Variants in ZBTB5 observed in about 807,000 individuals in gnomAD.
ZBTB5 encodes the protein zinc finger and BTB domain-containing protein 5.
ZBTB5 carries 15 observed loss-of-function variants against 37.9 expected under a neutral mutation model. The observed-to-expected ratio is 0.40, with a 90% CI of 0.26 to 0.61. The LOEUF is 0.61. ZBTB5 is among the 20% of genes least tolerant of loss of function. The pLI, the probability that ZBTB5 is intolerant of heterozygous loss-of-function variation, is 0.47. For missense variants in ZBTB5, 708 were observed against 856.8 expected (o/e 0.83, Z 2.17); for synonymous variants, 315 against 312.4 (o/e 1.01, Z -0.09).
At chr9:37,455,946 A>ATT (rs57792865) in intron 1 of ZBTB5, among the ~76,000 whole-genome samples, 13 of 141,592 alleles carry the variant, frequency 9.2e-5, no homozygotes, top group East Asian at 4.1e-4. Flanking sequence ...GCAGGCTAGG[A>ATT]TTTTTTTTTT....
Position 37,438,691 on chromosome 9 carries a change from A to G in ZBTB5, c.*1827T>C, listed in dbSNP as rs1332717876. On this transcript the variant is annotated 3_prime_UTR_variant, in exon 2 of 2. Coordinates refer to ENST00000307750, the MANE Select transcript of ZBTB5 (RefSeq NM_014872.3). Reference sequence around the variant, plus strand: ...GCTAACCCACTGTGTCCCAAGGTTAATCTCACAAGACACTGGTCCCTACAT... The same window carrying G: ...GCTAACCCACTGTGTCCCAAGGTTAGTCTCACAAGACACTGGTCCCTACAT... 1 of 152,276 alleles carries G rather than the reference A, an allele frequency of 6.6e-6. No homozygotes were observed. Among genetic ancestry groups the G allele is most frequent in the Non-Finnish European group, 1.5e-5 (1 of 68,094 alleles). 9.4% of individuals were successfully genotyped at this position (152,276 alleles called of 1,614,324 possible). A position where few individuals can be genotyped will look rare whatever the true frequency, so the allele number is the denominator to read the frequency against.
chr9:37,440,575 G>A lies in ZBTB5; in HGVS notation c.1977C>T (p.His659=), dbSNP rs148578510. 7.4e-6 allele frequency: 12 copies of A among 1,614,266 alleles called. No homozygotes were observed. The African/African-American group carries it at 9.3e-5, about 13-fold the overall frequency. Residue 659 remains histidine (H), a synonymous_variant, in exon 2 of 2, where the codon CAC becomes CAT. Coordinates refer to ENST00000307750, the MANE Select transcript of ZBTB5 (RefSeq NM_014872.3). ...GCCAGCGCAGGCAGGTAGTCTTTGA[G>A]TGCTTATACAGGTGGCTGGACTGAC... is the stretch of plus-strand genomic sequence containing the variant. ...RFSQSSHLYK[H]SKTTCLRWQS...
chr9:37,463,740 C>A (rs1247451803), intron 1 of ZBTB5, among the ~76,000 whole-genome samples: 1 of 152,150 alleles, frequency 6.6e-6, no homozygotes, highest in Non-Finnish European at 1.5e-5. Context: ...AGAGACATAT[C>A]AATTAACCAA....
intron 1 of ZBTB5, among the ~76,000 whole-genome samples, chr9:37,443,691 G>A (rs1012473424): frequency 6.6e-6 from 1 of 152,238 alleles, no homozygotes; most frequent in African/African-American, 2.4e-5. Context: ...AGCACTTTTG[G>A]AGGCTGAGGT....
chr9:37,461,346 T>A (rs1824289838), intron 1 of ZBTB5, among the ~76,000 whole-genome samples: 1 of 152,152 alleles, frequency 6.6e-6, no homozygotes, highest in African/African-American at 2.4e-5. Flanking sequence ...TTGACTAAGA[T>A]GTACTGAAAA....
intron 1 of ZBTB5, among the ~76,000 whole-genome samples, chr9:37,444,752 T>G (rs1823945402): frequency 6.6e-6 from 1 of 152,114 alleles, no homozygotes. Flanking sequence ...TAGGATAAAC[T>G]AAGGCATTTT....
intron 1 of ZBTB5, among the ~76,000 whole-genome samples, chr9:37,455,294 A>G (rs1182286815): frequency 6.6e-6 from 1 of 152,054 alleles, no homozygotes; most frequent in Non-Finnish European, 1.5e-5. Flanking sequence ...GGACAGCCGA[A>G]CTCCAGGGGA....
At chr9:37,453,133 C>T (rs979072398) in intron 1 of ZBTB5, among the ~76,000 whole-genome samples, 4 of 152,202 alleles carry the variant, frequency 2.6e-5, no homozygotes, top group African/African-American at 7.2e-5. Flanking sequence ...ATTAGGTGAA[C>T]AAGAAATCTC....
Position 37,441,690 on chromosome 9 carries a change from T to A in ZBTB5, c.862A>T (p.Met288Leu), listed in dbSNP as rs1322218559. 51 of 1,613,858 alleles carry A rather than the reference T, an allele frequency of 3.2e-5. No individual in the cohort carries two copies. The highest frequency in any genetic ancestry group is 4.2e-5 in the Non-Finnish European group (50 of 1,180,012). Residue 288 changes from methionine to leucine, a missense_variant, in exon 2 of 2, where the codon ATG becomes TTG. By Grantham distance (15) the Met-to-Leu change is conservative (BLOSUM62 2). Transcript: ENST00000307750. ...TCAACCTGAGTTGCACGAGAGGCCATGGACAACTGTGCCATGTTGCCAGCA... is the reference window on the plus strand; with the variant it reads ...TCAACCTGAGTTGCACGAGAGGCCAAGGACAACTGTGCCATGTTGCCAGCA... ...NSAGNMAQLS[M>L]ASRATQVETS...
chr9:37,447,558 G>A (rs1262023338), intron 1 of ZBTB5, among the ~76,000 whole-genome samples: 1 of 152,150 alleles, frequency 6.6e-6, no homozygotes, highest in African/African-American at 2.4e-5. Flanking sequence ...TGAACTCCTG[G>A]CTTCAAGCAA....
chr9:37,453,776 A>C (rs1335970264), intron 1 of ZBTB5, among the ~76,000 whole-genome samples: 1 of 152,198 alleles, frequency 6.6e-6, no homozygotes, highest in Non-Finnish European at 1.5e-5. Context: ...TATGTGACCC[A>C]AGTTCTGCCA....
chr9:37,445,879 T>C (rs537439979), intron 1 of ZBTB5, among the ~76,000 whole-genome samples: 17 of 151,572 alleles, frequency 1.1e-4, no homozygotes, highest in African/African-American at 3.2e-4. Flanking sequence ...GGCGGGCAGA[T>C]TGTTTGAGCT....
chr9:37,458,476 T>C (rs1438663003), intron 1 of ZBTB5, among the ~76,000 whole-genome samples: 1 of 152,230 alleles, frequency 6.6e-6, no homozygotes, highest in Non-Finnish European at 1.5e-5. Flanking sequence ...AAACTATGGT[T>C]ATTTAGAAGT....
Position 37,438,869 on chromosome 9 carries a change from C to T in ZBTB5, c.*1649G>A, listed in dbSNP as rs1823791323. 1 of 152,226 alleles carries T rather than the reference C, an allele frequency of 6.6e-6. No homozygotes were observed. The highest frequency in any genetic ancestry group is 2.1e-4 in the South Asian group (1 of 4,826). 9.4% of individuals were successfully genotyped at this position (152,226 alleles called of 1,614,324 possible). A position where few individuals can be genotyped will look rare whatever the true frequency, so the allele number is the denominator to read the frequency against. The stretch of plus-strand genomic sequence containing the variant: ...AAGGAATCGTGGGTTTCCCTTTGGG[C>T]TTTTCTTCCTGGGAATCAGTCCATG... On this transcript the variant is annotated 3_prime_UTR_variant, in exon 2 of 2. Transcript: ENST00000307750.
At chr9:37,460,463 G>A (rs1216943766) in intron 1 of ZBTB5, among the ~76,000 whole-genome samples, 3 of 152,202 alleles carry the variant, frequency 2.0e-5, no homozygotes, top group Non-Finnish European at 4.4e-5. Context: ...GGCCAGATGC[G>A]GGGCTCACAC....
intron 1 of ZBTB5, among the ~76,000 whole-genome samples, chr9:37,464,535 AAACT>A (rs978450601): frequency 1.3e-5 from 2 of 152,224 alleles, no homozygotes; most frequent in African/African-American, 2.4e-5. Flanking sequence ...TGAAAGGAAA[AAACT>A]AACCTTCAAC....
chr9:37,446,157 T>C (rs1823974531), intron 1 of ZBTB5, among the ~76,000 whole-genome samples: 1 of 152,088 alleles, frequency 6.6e-6, no homozygotes, highest in Non-Finnish European at 1.5e-5. Context: ...AAAATTAAAT[T>C]TAAAAAAGGT....
At chr9:37,451,474 C>G (rs1824102243) in intron 1 of ZBTB5, among the ~76,000 whole-genome samples, 1 of 145,766 alleles carries the variant, frequency 6.9e-6, no homozygotes. Flanking sequence ...ACAACAATCG[C>G]TTGAACCTGG....
In ZBTB5 at chr9:37,442,140, C is replaced by T. The variant is rs754333729; in HGVS notation, c.412G>A (p.Ala138Thr). The change falls in exon 2 of 2, where the codon GCC (alanine) becomes ACC (threonine). Residue 138 changes from alanine (A) to threonine (T), a missense_variant. Physicochemically the swap from Ala to Thr is moderately conservative, Grantham distance 58 (BLOSUM62 0). Coordinates refer to ENST00000307750, the MANE Select transcript of ZBTB5 (RefSeq NM_014872.3). Reference sequence around the variant, plus strand: ...AGCATAAAGGAGCGCTGCATGCGGGCGCTCTGCTCCTGAACGCGCTCACTG... The same window carrying T: ...AGCATAAAGGAGCGCTGCATGCGGGTGCTCTGCTCCTGAACGCGCTCACTG... Reference protein sequence around the residue: ...PPSERVQEQSARMQRSFMLQQ... With the variant: ...PPSERVQEQSTRMQRSFMLQQ... 8.7e-6 allele frequency: 14 copies of T among 1,614,058 alleles called. No homozygotes were observed. Among genetic ancestry groups the T allele is most frequent in the Admixed American group, 5.0e-5 (3 of 60,014 alleles).
Sources: allele counts gnomAD v4.1 joint callset (sites outside exome capture counted in the v4.1 genomes callset), GRCh38; gene constraint gnomAD v4.1.1; transcripts MANE v1.5; gene names NCBI Gene and HGNC (gene_info 2026-07-23, HGNC 2026-07-21).